DOP1B: variants seen among roughly 807,000 people sequenced by gnomAD.
DOP1B encodes protein DOP1B.
In DOP1B, 174 loss-of-function variants were observed where a neutral mutation model predicts 233.5. The ratio of observed to expected loss-of-function variants is 0.75; its 90% confidence interval spans 0.66 to 0.85. The LOEUF (loss-of-function observed/expected upper bound fraction) is 0.85. DOP1B is among the 40% of genes least tolerant of loss of function. The pLI is 0.00. For synonymous variants in DOP1B, 1,190 were observed against 1,185.6 expected (o/e 1.00, Z -0.08); for missense variants, 2,652 against 2,846.6 (o/e 0.93, Z 1.56).
chr21:36,254,326 C>T lies in DOP1B; in HGVS notation c.5259+417C>T, dbSNP rs78495048. Among the ~76,000 whole-genome samples, 1,255 of 152,190 alleles carry T rather than the reference C, an allele frequency of 8.2e-3. 12 individuals are homozygous for T. Among genetic ancestry groups the T allele is most frequent in the African/African-American group, 0.029 (1,185 of 41,520 alleles). Reference sequence around the variant, plus strand: ...GGTAAAGACAGATGTGATTCAATAACCACTGCGGTAAGGGAAAGTGTTGGG... The same window carrying T: ...GGTAAAGACAGATGTGATTCAATAATCACTGCGGTAAGGGAAAGTGTTGGG... On this transcript the variant is annotated intron_variant, in intron 23 of 36. Transcript: ENST00000691173.
Position 36,245,701 on chromosome 21 carries a change from C to T in DOP1B, c.3721C>T (p.Leu1241Phe), listed in dbSNP as rs1281284727. Residue 1241 changes from leucine (L) to phenylalanine (F), a missense_variant, in exon 19 of 37, where the codon CTC becomes TTC. Coordinates refer to ENST00000691173, the MANE Select transcript of DOP1B (RefSeq NM_001320714.2). The surrounding 1 kb of genome is among the most constrained non-coding windows in gnomAD (Gnocchi z 5.5). ...YLQPYDSRRV[L>F]YAFSVLEAVL... ...GCAGCCCTACGACTCTCGGCGGGTC[C>T]TCTATGCCTTCTCGGTGCTGGAGGC... is the stretch of plus-strand genomic sequence containing the variant. 1 of 1,613,692 alleles carries T rather than the reference C, an allele frequency of 6.2e-7. No individual in the cohort carries two copies. The highest frequency in any genetic ancestry group is 8.5e-7 in the Non-Finnish European group (1 of 1,180,018).
chr21:36,214,714 A>G (rs1388352529), intron 9 of DOP1B, among the ~76,000 whole-genome samples, 158 bp downstream of exon 9: 1 of 152,186 alleles, frequency 6.6e-6, no homozygotes, highest in African/African-American at 2.4e-5. Flanking sequence ...TTCAATGATC[A>G]TATCTGTGGT....
intron 30 of DOP1B, among the ~76,000 whole-genome samples, chr21:36,279,307 A>C (rs1354208046): frequency 6.6e-6 from 1 of 151,758 alleles, no homozygotes; most frequent in African/African-American, 2.4e-5. Context: ...GGTCCCAGCT[A>C]CATGGAAGCC....
chr21:36,233,112 T>G lies in DOP1B; in HGVS notation c.2622+37T>G, dbSNP rs923746181. 1.9e-6 allele frequency: 3 copies of G among 1,599,898 alleles called. No individual in the cohort carries two copies. In the African/African-American group the frequency reaches 4.0e-5, roughly 21 times the overall value. On this transcript the variant is annotated intron_variant, in intron 15 of 36. Transcript: ENST00000691173. ...TGGGAACACTCTTCTTATGGCCTCC[T>G]TCTCCCCCTGAGCAAAACTCAGAAC...
chr21:36,292,505 A>G (rs1009806937), intron 36 of DOP1B, among the ~76,000 whole-genome samples: 7 of 151,550 alleles, frequency 4.6e-5, no homozygotes, highest in Non-Finnish European at 1.0e-4. Flanking sequence ...GGTCACTGCA[A>G]CCTCAGCCTC....
rs2065944407 is a variant in DOP1B at position 36,169,039 on chromosome 21, G to A, written c.138+4168G>A. On this transcript the variant is annotated intron_variant, in intron 2 of 36. Transcript: ENST00000691173. ...CCATGAATGCTTTCTTCTCCTCCATGGTCTGGAAGCGGCCATAGCCAAACT... is the reference window on the plus strand; with the variant it reads ...CCATGAATGCTTTCTTCTCCTCCATAGTCTGGAAGCGGCCATAGCCAAACT... 3.5e-6 allele frequency: 3 copies of A among 848,844 alleles called. No individual in the cohort carries two copies. The South Asian group carries it at 3.9e-5, about 11-fold the overall frequency. 52.6% of individuals were successfully genotyped at this position (848,844 alleles called of 1,614,324 possible).
At chr21:36,169,514 G>A in intron 2 of DOP1B, 1 of 1,121,044 alleles carries the variant, frequency 8.9e-7, no homozygotes. Context: ...TTTGCCCTTG[G>A]TCACCCCGAT....
chr21:36,231,400 G>T (rs2066763811), intron 14 of DOP1B, among the ~76,000 whole-genome samples: 1 of 152,188 alleles, frequency 6.6e-6, no homozygotes, highest in South Asian at 2.1e-4. Context: ...GGAATTTTCA[G>T]ATTAGAGATT....
chr21:36,231,361 G>T (rs1601431489), intron 14 of DOP1B, among the ~76,000 whole-genome samples: 1 of 152,202 alleles, frequency 6.6e-6, no homozygotes. Context: ...CATCATGTCA[G>T]TGCTAATAAG....
In DOP1B at chr21:36,293,417, T is replaced by C. The variant is rs746620868; in HGVS notation, c.6743T>C (p.Met2248Thr). The change falls in exon 37 of 37, where the codon ATG (methionine) becomes ACG (threonine). Residue 2248 changes from methionine (M) to threonine (T), a missense_variant. Around this residue, in one of 3 missense-constraint regions of DOP1B, gnomAD observed 2,617 missense variants for 2,794.3 expected, o/e 0.94. Transcript: ENST00000691173. ...ATCAGGCAGTTGATGCCATTCTTCA[T>C]GACTCTAAATGGTGCATTTAAGACC... ...SSIRQLMPFF[M>T]TLNGAFKTQR... The C allele has an allele frequency of 6.2e-7, 1 of 1,614,174 alleles. No homozygotes were observed. Among genetic ancestry groups the C allele is most frequent in the South Asian group, 1.1e-5 (1 of 91,088 alleles).
chr21:36,202,677 T>C (rs1236941811), intron 4 of DOP1B, among the ~76,000 whole-genome samples: 3 of 152,248 alleles, frequency 2.0e-5, no homozygotes. Context: ...AGCTCTCACA[T>C]AGACCAGGTG....
At chr21:36,169,906 T>C (rs984941791) in intron 2 of DOP1B, 2 of 776,110 alleles carry the variant, frequency 2.6e-6, no homozygotes, top group Admixed American at 1.7e-5. Flanking sequence ...GGTTTCCACG[T>C]AGCCCGCAAT....
At chr21:36,235,865 G>GT (rs1555893480) in intron 15 of DOP1B, among the ~76,000 whole-genome samples, 3 of 145,388 alleles carry the variant, frequency 2.1e-5, no homozygotes, top group Admixed American at 1.4e-4. Flanking sequence ...AAGGAAGTCG[G>GT]GGGGGGGGCG....
rs768268399 is a variant in DOP1B, at chr21:36,253,928, C to A, written c.5259+19C>A. 5 of 1,609,228 alleles carry A rather than the reference C, an allele frequency of 3.1e-6. No individual in the cohort carries two copies. Among genetic ancestry groups the A allele is most frequent in the Admixed American group, 3.4e-5 (2 of 59,178 alleles). On this transcript the variant is annotated intron_variant, in intron 23 of 36. Coordinates refer to ENST00000691173, the MANE Select transcript of DOP1B (RefSeq NM_001320714.2). ...TGATGAGGTGAGGAGCCTGGGGAAG[C>A]CTCTGGGCTTCTGCAGATTAGTGGG...
intron 23 of DOP1B, 116 bp downstream of exon 23, chr21:36,254,025 G>A: frequency 3.0e-6 from 4 of 1,333,350 alleles, no homozygotes; most frequent in Non-Finnish European, 4.1e-6. Flanking sequence ...AGAGCTAGTG[G>A]GAATGCTTGG....
intron 22 of DOP1B, 21 bp downstream of exon 22, chr21:36,251,305 G>A (rs534551044): frequency 6.2e-7 from 1 of 1,604,856 alleles, no homozygotes; most frequent in Non-Finnish European, 8.5e-7. Flanking sequence ...AAAAGTTACA[G>A]GAGTGGTTAA....
chr21:36,209,700 T>C (rs2066470705), intron 5 of DOP1B, among the ~76,000 whole-genome samples: 1 of 152,076 alleles, frequency 6.6e-6, no homozygotes, highest in Admixed American at 6.5e-5. Flanking sequence ...CAAGGGAAGC[T>C]CTCTTCCCTG....
intron 1 of DOP1B, among the ~76,000 whole-genome samples, chr21:36,162,537 G>A (rs976654851): frequency 2.0e-5 from 3 of 151,708 alleles, no homozygotes; most frequent in Non-Finnish European, 4.4e-5. Flanking sequence ...ACCTCCCAAA[G>A]TCTTCACTTT....
At chr21:36,180,466 G>A in intron 2 of DOP1B, among the ~76,000 whole-genome samples, 1 of 152,178 alleles carries the variant, frequency 6.6e-6, no homozygotes, top group Admixed American at 6.5e-5. Flanking sequence ...AGCTACTTGG[G>A]AGGCTGAGGC....
Sources: gnomAD v4.1 joint callset for allele counts (sites outside exome capture counted in the v4.1 genomes callset) on GRCh38, gnomAD v4.1.1 for gene constraint, gnomAD v4.1.1 regional missense constraint, Gnocchi (gnomAD v3.1) non-coding constraint, MANE v1.5 for transcripts, NCBI Gene and HGNC (gene_info 2026-07-23, HGNC 2026-07-21) for gene names.